Variants in ATP2B2 observed in about 807,000 individuals in gnomAD.
ATP2B2 encodes ATPase plasma membrane Ca2+ transporting 2.
Under a neutral mutation model 120.0 loss-of-function variants are expected in ATP2B2, and 15 were observed. That is an observed-to-expected ratio of 0.12 (90% CI 0.08 to 0.19). The LOEUF is 0.19. Ranked by LOEUF, ATP2B2 falls within the 10% of genes least tolerant of loss-of-function variation. The probability of loss-of-function intolerance (pLI) is 1.00; values close to 1 mark genes in which losing one functional copy is unlikely to be tolerated. For synonymous variants in ATP2B2, 694 were observed against 700.3 expected, an observed-to-expected ratio of 0.99 and a Z score of 0.14; for missense variants, 1,045 against 1,719.8, an observed-to-expected ratio of 0.61 and a Z score of 6.94.
intron 3 of ATP2B2, among the ~76,000 whole-genome samples, chr3:10,517,427 G>A (rs944003650): frequency 1.3e-5 from 2 of 152,122 alleles, no homozygotes; most frequent in African/African-American, 4.8e-5. Flanking sequence ...AAAATGAGAG[G>A]GGTTGGGAAA....
chr3:10,388,225 A>C, intron 6 of ATP2B2, 52 bp downstream of exon 6: 1 of 1,613,476 alleles, frequency 6.2e-7, no homozygotes, highest in Non-Finnish European at 8.5e-7. Flanking sequence ...AAACAAAAAA[A>C]AAATGTGGCC....
intron 2 of ATP2B2, among the ~76,000 whole-genome samples, chr3:10,413,431 C>T (rs925807572): frequency 3.3e-5 from 5 of 152,240 alleles, no homozygotes; most frequent in African/African-American, 1.2e-4. Context: ...ATCCCATGTC[C>T]TGCATGCAGT....
chr3:10,384,887 C>T (rs2061628954), intron 8 of ATP2B2, among the ~76,000 whole-genome samples: 1 of 152,220 alleles, frequency 6.6e-6, no homozygotes, highest in African/African-American at 2.4e-5. Context: ...AGCTTCAGCC[C>T]AAGCCCTGAT....
chr3:10,452,409 T>C (rs1036299058), intron 1 of ATP2B2, among the ~76,000 whole-genome samples: 1 of 152,128 alleles, frequency 6.6e-6, no homozygotes, highest in Non-Finnish European at 1.5e-5. Flanking sequence ...TCTGAGAACA[T>C]GTGGGCCCTT....
chr3:10,409,887 G>T (rs949586648), intron 3 of ATP2B2, among the ~76,000 whole-genome samples: 1 of 152,142 alleles, frequency 6.6e-6, no homozygotes, highest in Non-Finnish European at 1.5e-5. Context: ...TCACAAAAAA[G>T]TATTTACAAT....
At chr3:10,545,731 G>GT (rs547537094) in intron 2 of ATP2B2, among the ~76,000 whole-genome samples, 4 of 152,186 alleles carry the variant, frequency 2.6e-5, no homozygotes, top group South Asian at 4.2e-4. Flanking sequence ...GTTAGCGGTG[G>GT]TTTTTTTAAA....
intron 3 of ATP2B2, among the ~76,000 whole-genome samples, chr3:10,408,386 C>T (rs1346681983): frequency 6.6e-6 from 1 of 152,032 alleles, no homozygotes; most frequent in Non-Finnish European, 1.5e-5. Flanking sequence ...TTGATGGAGC[C>T]CCAGCCTGAC....
intron 3 of ATP2B2, among the ~76,000 whole-genome samples, chr3:10,533,126 T>C (rs1054364826): frequency 3.9e-5 from 6 of 152,066 alleles, no homozygotes; most frequent in African/African-American, 1.2e-4. Flanking sequence ...ATCACCCTAA[T>C]GTAAGGTTGG....
intron 14 of ATP2B2, among the ~76,000 whole-genome samples, chr3:10,352,393 G>A (rs762339132): frequency 3.3e-5 from 5 of 152,222 alleles, no homozygotes; most frequent in Non-Finnish European, 7.3e-5. Flanking sequence ...GAGGAAACCC[G>A]CAGTTCTGAG....
chr3:10,422,279 C>A (rs886626812), intron 2 of ATP2B2, among the ~76,000 whole-genome samples: 2 of 152,224 alleles, frequency 1.3e-5, no homozygotes, highest in African/African-American at 2.4e-5. Context: ...GGCAGAGAGA[C>A]AACGCCTCTG....
chr3:10,539,274 T>C (rs1028308155), intron 2 of ATP2B2, among the ~76,000 whole-genome samples: 1 of 152,206 alleles, frequency 6.6e-6, no homozygotes, highest in Non-Finnish European at 1.5e-5. Flanking sequence ...GAAGAATCAA[T>C]GTCGTGAAAA....
intron 2 of ATP2B2, among the ~76,000 whole-genome samples, chr3:10,413,039 T>G (rs2062664260): frequency 6.6e-6 from 1 of 152,146 alleles, no homozygotes; most frequent in African/African-American, 2.4e-5. Flanking sequence ...TGGGACCTCA[T>G]GGTCTAATAT....
chr3:10,602,718 G>T (rs1047595877), intron 2 of ATP2B2, among the ~76,000 whole-genome samples: 2 of 152,144 alleles, frequency 1.3e-5, no homozygotes, highest in Admixed American at 6.5e-5. Context: ...AGACTAAATG[G>T]GTAATCGCGT....
Position 10,375,531 on chromosome 3 carries a change from A to G in ATP2B2, c.1315T>C (p.Tyr439His). 1 of 1,613,734 alleles carries G rather than the reference A, an allele frequency of 6.2e-7. No individual in the cohort carries two copies. The highest frequency in any genetic ancestry group is 8.5e-7 in the Non-Finnish European group (1 of 1,180,022). Residue 439 changes from tyrosine (Y) to histidine (H), a missense_variant, in exon 11 of 23, where the codon TAC (tyrosine) becomes CAC (histidine). Coordinates refer to ENST00000360273, the MANE Select transcript of ATP2B2 (RefSeq NM_001001331.4). This position sits in a 1 kb window ranked among gnomAD's most constrained non-coding sequence, Gnocchi z 4.2. Reference protein sequence around the residue: ...LPECTPVYVQYFVKFFIIGVT... With the variant: ...LPECTPVYVQHFVKFFIIGVT... ...CCAATGATGAAGAACTTGACAAAGT[A>G]CTGCACGTAGACGGGCGTGCACTCA...
intron 3 of ATP2B2, among the ~76,000 whole-genome samples, chr3:10,403,576 C>T (rs575109367): frequency 3.3e-5 from 5 of 152,348 alleles, no homozygotes; most frequent in South Asian, 2.1e-4. Context: ...ACAGCCAGGA[C>T]GCACCCAGGC....
intron 1 of ATP2B2, among the ~76,000 whole-genome samples, chr3:10,651,036 T>C (rs1446237093): frequency 1.3e-5 from 2 of 152,246 alleles, no homozygotes; most frequent in Non-Finnish European, 2.9e-5. Context: ...ATGGCTGTAG[T>C]TACCCAATGC....
Position 10,402,251 on chromosome 3 carries a change from G to A in ATP2B2, c.495C>T (p.Val165=). Residue 165 remains valine, a synonymous_variant, in exon 4 of 23, where the codon GTC becomes GTT. Transcript: ENST00000360273. The surrounding 1 kb of genome is among the most constrained non-coding windows in gnomAD (Gnocchi z 4.9). Reference sequence around the variant, plus strand: ...TCCAGTCATTGAAGGCCGTGACCAGGACCACACAGATAACTGAGAGGAGAA... The same window carrying A: ...TCCAGTCATTGAAGGCCGTGACCAGAACCACACAGATAACTGAGAGGAGAA... ...AAILLSVICV[V]LVTAFNDWSK... is the part of the protein sequence containing the mutation. 1 of 1,614,152 alleles carries A rather than the reference G, an allele frequency of 6.2e-7. No individual in the cohort carries two copies. The highest frequency in any genetic ancestry group is 8.5e-7 in the Non-Finnish European group (1 of 1,180,050).
intron 2 of ATP2B2, among the ~76,000 whole-genome samples, chr3:10,543,454 A>G (rs1238526344): frequency 2.0e-5 from 3 of 152,242 alleles, no homozygotes; most frequent in Non-Finnish European, 4.4e-5. Flanking sequence ...AACATCAATC[A>G]TATCATAATA....
chr3:10,600,532 T>C (rs2068880116), intron 2 of ATP2B2, among the ~76,000 whole-genome samples: 1 of 152,096 alleles, frequency 6.6e-6, no homozygotes, highest in African/African-American at 2.4e-5. Flanking sequence ...AACCATGGGG[T>C]AAAACAAAAG....
Sources: gnomAD v4.1 joint callset for allele counts (sites outside exome capture counted in the v4.1 genomes callset) on GRCh38, gnomAD v4.1.1 for gene constraint, Gnocchi (gnomAD v3.1) non-coding constraint, MANE v1.5 for transcripts, NCBI Gene and HGNC (gene_info 2026-07-23, HGNC 2026-07-21) for gene names.